Variants in CUX1 observed in about 807,000 individuals in gnomAD.
The protein encoded by CUX1 is protein CASP.
Under a neutral mutation model 158.8 loss-of-function variants are expected in CUX1, and 31 were observed. The observed-to-expected ratio is 0.20, with a 90% confidence interval of 0.15 to 0.26. The LOEUF is 0.26. Among genes scored for constraint, CUX1 ranks in the 10% least tolerant of loss-of-function variants. The pLI is 1.00. For missense variants in CUX1, 1,589 were observed against 2,014.6 expected (o/e 0.79, Z 4.04); for synonymous variants, 879 against 862.1 (o/e 1.02, Z -0.34).
chr7:102,022,037 G>T (rs1331137382), intron 2 of CUX1, among the ~76,000 whole-genome samples: 1 of 152,168 alleles, frequency 6.6e-6, no homozygotes, highest in African/African-American at 2.4e-5. Flanking sequence ...TCCCTGGCAC[G>T]CGACTCTGGG....
At position 102,250,451 on chromosome 7, in the gene CUX1, CG is replaced by C; in HGVS notation, c.*1410del. 1.0e-6 allele frequency: 1 copy of C among 985,504 alleles called. No individual in the cohort carries two copies. Among genetic ancestry groups the C allele is most frequent in the Non-Finnish European group, 1.2e-6 (1 of 829,984 alleles). 61.0% of individuals were successfully genotyped at this position (985,504 alleles called of 1,614,324 possible). On this transcript the variant is annotated 3_prime_UTR_variant, in exon 24 of 24. Coordinates refer to ENST00000292535, the MANE Select transcript of CUX1 (RefSeq NM_181552.4). ...TCCCCAGGCCTGGGCAGGGCTTACA[CG>C]CGCACTCTCTCTCTTCTTTCCCTTT... is the stretch of plus-strand genomic sequence containing the variant.
intron 8 of CUX1, chr7:102,153,818 C>G (rs980228107): frequency 6.6e-6 from 1 of 152,316 alleles, no homozygotes; most frequent in African/African-American, 2.4e-5. Context: ...CTGAAAGACA[C>G]ACCCAGACCC....
chr7:101,979,418 GA>G (rs1284380846), intron 2 of CUX1, among the ~76,000 whole-genome samples: 4 of 152,234 alleles, frequency 2.6e-5, no homozygotes, highest in African/African-American at 9.6e-5. Context: ...GATGTGATGA[GA>G]TTTTTGAATT....
At chr7:102,085,997 T>A (rs1474623023) in intron 4 of CUX1, among the ~76,000 whole-genome samples, 1 of 152,188 alleles carries the variant, frequency 6.6e-6, no homozygotes. Context: ...GTTTTGGTAA[T>A]TTGGAATTTT....
intron 2 of CUX1, among the ~76,000 whole-genome samples, chr7:102,016,976 A>G (rs1309827558): frequency 6.6e-6 from 1 of 152,144 alleles, no homozygotes; most frequent in African/African-American, 2.4e-5. Flanking sequence ...ATCCCTGTCT[A>G]GCACAGGAGT....
At chr7:101,949,490 G>A (rs1489127962) in intron 2 of CUX1, among the ~76,000 whole-genome samples, 1 of 149,294 alleles carries the variant, frequency 6.7e-6, no homozygotes, top group Non-Finnish European at 1.5e-5. Flanking sequence ...ATCATTTACT[G>A]TGGCTAAGGC....
Position 102,216,682 on chromosome 7 carries a change from C to T in CUX1, c.3131-10685C>T, listed in dbSNP as rs569903185. Reference sequence around the variant, plus strand: ...TCCCACACACACTCACACACACACACTCCCCCACACACACTCCCACACGCA... The same window carrying T: ...TCCCACACACACTCACACACACACATTCCCCCACACACACTCCCACACGCA... On this transcript the variant is annotated intron_variant, in intron 20 of 23. Coordinates refer to ENST00000292535, the MANE Select transcript of CUX1 (RefSeq NM_181552.4). 6.5e-3 allele frequency among the ~76,000 whole-genome samples: 223 copies of T among 34,212 alleles called. 7 individuals are homozygous for T. Among genetic ancestry groups the T allele is most frequent in the African/African-American group, 0.015 (217 of 14,856 alleles). 22.4% of individuals were successfully genotyped at this position (34,212 alleles called of 152,430 possible).
At chr7:101,956,266 G>A (rs951364239) in intron 2 of CUX1, among the ~76,000 whole-genome samples, 5 of 151,956 alleles carry the variant, frequency 3.3e-5, no homozygotes, top group African/African-American at 1.2e-4. Flanking sequence ...GAGAATCGCA[G>A]TGCCTCAGTT....
chr7:101,842,749 T>TATGATC (rs1199138843), intron 1 of CUX1, among the ~76,000 whole-genome samples: 2 of 151,902 alleles, frequency 1.3e-5, no homozygotes, highest in Non-Finnish European at 2.9e-5. Context: ...ACATTGCATG[T>TATGATC]ATGATCATGA....
intron 3 of CUX1, among the ~76,000 whole-genome samples, chr7:102,050,671 C>G (rs1823384759): frequency 6.7e-6 from 1 of 149,940 alleles, no homozygotes; most frequent in African/African-American, 2.5e-5. Context: ...AGTATTAGAC[C>G]CTGTGAATTC....
intron 11 of CUX1, among the ~76,000 whole-genome samples, chr7:102,185,788 G>A (rs782257422): frequency 6.6e-6 from 1 of 152,032 alleles, no homozygotes; most frequent in Non-Finnish European, 1.5e-5. Context: ...GAGAGCCCCC[G>A]GCTCATCCTG....
At chr7:101,873,291 G>C (rs1798785584) in intron 1 of CUX1, among the ~76,000 whole-genome samples, 1 of 150,636 alleles carries the variant, frequency 6.6e-6, no homozygotes, top group Non-Finnish European at 1.5e-5. Context: ...CTGCACCTAG[G>C]TATTAAGCCC....
chr7:102,030,582 A>T (rs2129338237), intron 3 of CUX1, among the ~76,000 whole-genome samples: 2 of 152,062 alleles, frequency 1.3e-5, no homozygotes, highest in East Asian at 3.9e-4. Context: ...AAATTTTTCC[A>T]ATTATCCCCA....
exon 23 of CUX1, chr7:102,283,228 C>T: frequency 1.4e-6 from 1 of 715,382 alleles, no homozygotes; most frequent in Non-Finnish European, 2.5e-6. Flanking sequence ...CCAGAGGCCC[C>T]AGGTCACCTC....
At chr7:101,999,458 C>T (rs1465277950) in intron 2 of CUX1, among the ~76,000 whole-genome samples, 1 of 152,150 alleles carries the variant, frequency 6.6e-6, no homozygotes, top group Non-Finnish European at 1.5e-5. Context: ...TGAAAGGCTG[C>T]TTTGCAGTCT....
chr7:102,189,760 C>T, intron 11 of CUX1, 53 bp from the exon 12 acceptor site: 3 of 1,594,010 alleles, frequency 1.9e-6, no homozygotes, highest in Non-Finnish European at 2.6e-6. Flanking sequence ...TCGGTGAAGT[C>T]CGTCGACCTG....
chr7:102,189,549 CCA>C (rs1794055700), intron 11 of CUX1, among the ~76,000 whole-genome samples: 1 of 152,162 alleles, frequency 6.6e-6, no homozygotes, highest in African/African-American at 2.4e-5. Flanking sequence ...GCGTGAGCCA[CCA>C]CACCCTTCAT....
chr7:101,858,568 C>G (rs1043613698), intron 1 of CUX1, among the ~76,000 whole-genome samples: 8 of 151,906 alleles, frequency 5.3e-5, no homozygotes, highest in Admixed American at 2.0e-4. Context: ...GCACCCACAA[C>G]AGCAAATGCT....
At chr7:102,142,411 A>G (rs1051625747) in intron 8 of CUX1, among the ~76,000 whole-genome samples, 1 of 152,176 alleles carries the variant, frequency 6.6e-6, no homozygotes, top group Non-Finnish European at 1.5e-5. Flanking sequence ...GGAGACTGTT[A>G]AAAACAATGG....
Sources: allele counts gnomAD v4.1 joint callset (sites outside exome capture counted in the v4.1 genomes callset), GRCh38; gene constraint gnomAD v4.1.1; transcripts MANE v1.5; gene names NCBI Gene and HGNC (gene_info 2026-07-23, HGNC 2026-07-21).